Variants in ASTN1 observed in about 807,000 individuals in gnomAD.
The protein encoded by ASTN1 is astrotactin-1.
In ASTN1, 41 loss-of-function variants were observed where a neutral mutation model predicts 140.7. The observed-to-expected ratio is 0.29, with a 90% CI of 0.23 to 0.38. The LOEUF is 0.38. ASTN1 is among the 10% of genes least tolerant of loss of function. The pLI is 1.00. For synonymous variants in ASTN1, 640 were observed against 652.2 expected, an observed-to-expected ratio of 0.98 and a Z score of 0.29; for missense variants, 1,479 against 1,678.8, an observed-to-expected ratio of 0.88 and a Z score of 2.08.
At position 176,862,699 on chromosome 1, in the gene ASTN1, C is replaced by A; in HGVS notation, c.*1585G>T. 1 of 910,870 alleles carries A rather than the reference C, an allele frequency of 1.1e-6. No individual in the cohort carries two copies. Among genetic ancestry groups the A allele is most frequent in the Non-Finnish European group, 1.3e-6 (1 of 762,246 alleles). The allele number at this position is 910,870 out of a possible 1,614,324, so 56.4% of individuals were successfully genotyped here. ...TAACCTCTCTTTGCCTCGTTTTCCT[C>A]AACACTAAAATGGAGACAAGAATAG... On this transcript the variant is annotated 3_prime_UTR_variant, in exon 23 of 23. Transcript: ENST00000361833.
intron 2 of ASTN1, among the ~76,000 whole-genome samples, chr1:177,054,281 A>G (rs896457915): frequency 1.3e-5 from 2 of 152,226 alleles, no homozygotes; most frequent in Non-Finnish European, 2.9e-5. Context: ...GTTAAAATAT[A>G]TTGAAAGCAC....
intron 7 of ASTN1, among the ~76,000 whole-genome samples, chr1:177,017,844 G>C (rs574632434): frequency 6.6e-6 from 1 of 152,282 alleles, no homozygotes; most frequent in African/African-American, 2.4e-5. Context: ...TTGGATGATG[G>C]ACAGTGCTTT....
At chr1:176,911,444 C>T (rs1670234711) in intron 16 of ASTN1, among the ~76,000 whole-genome samples, 1 of 152,156 alleles carries the variant, frequency 6.6e-6, no homozygotes, top group African/African-American at 2.4e-5. Flanking sequence ...TTTGTAATAA[C>T]ACTGAGCTTA....
intron 12 of ASTN1, among the ~76,000 whole-genome samples, chr1:176,947,614 C>T (rs902997057): frequency 6.6e-6 from 1 of 152,204 alleles, no homozygotes; most frequent in Non-Finnish European, 1.5e-5. Flanking sequence ...TTCCATGACA[C>T]CAGCTTAGGT....
chr1:177,146,814 C>T (rs1351547611), intron 1 of ASTN1, among the ~76,000 whole-genome samples: 2 of 152,084 alleles, frequency 1.3e-5, no homozygotes, highest in Non-Finnish European at 1.5e-5. Context: ...TTATAGTTAG[C>T]TTGTCAGTTG....
At chr1:176,972,930 C>T (rs1363529659) in intron 8 of ASTN1, among the ~76,000 whole-genome samples, 1 of 152,086 alleles carries the variant, frequency 6.6e-6, no homozygotes. Flanking sequence ...GTGCCCTATC[C>T]ACTTCCCTCC....
intron 1 of ASTN1, among the ~76,000 whole-genome samples, chr1:177,143,217 A>G (rs531645353): frequency 1.3e-5 from 2 of 152,316 alleles, no homozygotes; most frequent in South Asian, 4.1e-4. Flanking sequence ...GAGAAAACCC[A>G]TTAACTGGAT....
chr1:177,000,993 G>C (rs996583456), intron 8 of ASTN1, among the ~76,000 whole-genome samples: 1 of 152,110 alleles, frequency 6.6e-6, no homozygotes, highest in Non-Finnish European at 1.5e-5. Flanking sequence ...TTAGGGAGGT[G>C]ATTCACCACT....
At chr1:177,004,543 C>T (rs1293650736) in intron 8 of ASTN1, among the ~76,000 whole-genome samples, 1 of 152,074 alleles carries the variant, frequency 6.6e-6, no homozygotes, top group Non-Finnish European at 1.5e-5. Context: ...GTAAAAATAA[C>T]AAATCTTGAT....
downstream of ASTN1, among the ~76,000 whole-genome samples, chr1:176,860,907 C>G (rs1165656075): frequency 6.6e-6 from 1 of 152,142 alleles, no homozygotes; most frequent in Non-Finnish European, 1.5e-5. Context: ...TTATAATTTG[C>G]TATGAAATAT....
downstream of ASTN1, among the ~76,000 whole-genome samples, chr1:176,859,793 GCAAA>G (rs1667911250): frequency 6.6e-6 from 1 of 152,156 alleles, no homozygotes; most frequent in South Asian, 2.1e-4. Flanking sequence ...TCACAAACAA[GCAAA>G]CAAACAAAAT....
intron 8 of ASTN1, among the ~76,000 whole-genome samples, chr1:177,005,190 T>C (rs1462132493): frequency 6.6e-6 from 1 of 152,012 alleles, no homozygotes; most frequent in Non-Finnish European, 1.5e-5. Flanking sequence ...AATTGACATA[T>C]TTAAAAAAAA....
At chr1:176,918,453 C>A (rs146730638) in intron 16 of ASTN1, among the ~76,000 whole-genome samples, 91 of 152,214 alleles carry the variant, frequency 6.0e-4, no homozygotes, top group East Asian at 2.1e-3. Context: ...TTACTGCTCA[C>A]CCCCCGGCAA....
At chr1:176,919,130 T>C (rs1459372720) in intron 16 of ASTN1, among the ~76,000 whole-genome samples, 2 of 152,222 alleles carry the variant, frequency 1.3e-5, no homozygotes, top group African/African-American at 4.8e-5. Flanking sequence ...ATTTTCTTTT[T>C]AATATTCTGT....
downstream of ASTN1, chr1:176,860,998 T>C (rs746771607): frequency 6.4e-5 from 54 of 840,698 alleles, no homozygotes; most frequent in Non-Finnish European, 6.7e-5. Flanking sequence ...TTTAAAACCT[T>C]AACAAGTTCC....
At chr1:177,092,586 A>G (rs1020726485) in intron 1 of ASTN1, among the ~76,000 whole-genome samples, 4 of 152,196 alleles carry the variant, frequency 2.6e-5, no homozygotes, top group Admixed American at 2.6e-4. Context: ...ATCCAAGATC[A>G]CAGAAATTTA....
At chr1:177,133,746 G>T (rs896527285) in intron 1 of ASTN1, among the ~76,000 whole-genome samples, 1 of 152,126 alleles carries the variant, frequency 6.6e-6, no homozygotes, top group Non-Finnish European at 1.5e-5. Context: ...CCCTGTAAAG[G>T]TCTAGTTTAT....
chr1:177,060,468 A>G (rs1401168838), intron 2 of ASTN1, among the ~76,000 whole-genome samples: 1 of 152,180 alleles, frequency 6.6e-6, no homozygotes, highest in Non-Finnish European at 1.5e-5. Flanking sequence ...TCTCCAATAC[A>G]CTAATTGGAT....
In ASTN1 at chr1:177,029,795, A is replaced by G. The variant is rs923835276; in HGVS notation, c.1013-54T>C. The G allele has an allele frequency of 2.3e-4, 346 of 1,499,984 alleles. 1 individual carries two copies. The highest frequency in any genetic ancestry group is 2.7e-4 in the Non-Finnish European group (294 of 1,100,078). The allele number at this position is 1,499,984 out of a possible 1,614,324, so 92.9% of individuals were successfully genotyped here. ...GCGTTTTCAGTTCTGGTTTCATGAC[A>G]CCAAACCTTTGGGCAAGTTCAATGG... On this transcript the variant is annotated intron_variant, in intron 4 of 22. Coordinates refer to ENST00000361833, the MANE Select transcript of ASTN1 (RefSeq NM_004319.3).
Sources: allele counts gnomAD v4.1 joint callset (sites outside exome capture counted in the v4.1 genomes callset), GRCh38; gene constraint gnomAD v4.1.1; transcripts MANE v1.5; gene names NCBI Gene and HGNC (gene_info 2026-07-23, HGNC 2026-07-21).